LHX6: variants seen among roughly 807,000 people sequenced by gnomAD.
LHX6 encodes LIM homeobox 6, also known as LIM/homeobox protein Lhx6.
A neutral mutation model predicts 47.1 loss-of-function variants in LHX6; 15 were observed. That is an observed-to-expected ratio of 0.32 (90% CI 0.21 to 0.49). The LOEUF is 0.49. LHX6 is among the 20% of genes least tolerant of loss of function. The pLI is 0.99. For synonymous variants in LHX6, 242 were observed against 233.5 expected (o/e 1.04, Z -0.33); for missense variants, 404 against 539.6 (o/e 0.75, Z 2.49).
intron 9 of LHX6, among the ~76,000 whole-genome samples, chr9:122,208,559 C>A (rs745904481): frequency 6.6e-6 from 1 of 152,186 alleles, no homozygotes; most frequent in Non-Finnish European, 1.5e-5. Flanking sequence ...CGGCCGGGCA[C>A]GGTGGCTCAC....
Position 122,228,771 on chromosome 9 carries a change from G to T in LHX6, c.-31C>A. On this transcript the variant is annotated 5_prime_UTR_variant, in exon 1 of 10. Transcript: ENST00000394319. ...GGGGAACCTCGGGCTCAGCGGGCGC[G>T]CAGCGCGGAGAGCTGCGCCGAGGGG... 8.1e-7 allele frequency: 1 copy of T among 1,230,824 alleles called. No individual in the cohort carries two copies. Among genetic ancestry groups the T allele is most frequent in the Non-Finnish European group, 1.0e-6 (1 of 981,948 alleles). The allele number at this position is 1,230,824 out of a possible 1,614,324, so 76.2% of individuals were successfully genotyped here. A position where few individuals can be genotyped will look rare whatever the true frequency, so the allele number is the denominator to read the frequency against.
chr9:122,216,447 G>T (rs1416328920), intron 5 of LHX6, among the ~76,000 whole-genome samples: 1 of 152,218 alleles, frequency 6.6e-6, no homozygotes, highest in Non-Finnish European at 1.5e-5. Flanking sequence ...GTCTTGCACA[G>T]ATGTAGGGAC....
intron 4 of LHX6, among the ~76,000 whole-genome samples, chr9:122,224,222 T>C (rs1214893282): frequency 7.2e-5 from 11 of 152,142 alleles, no homozygotes. Context: ...GAGATGGGTT[T>C]CACCATGTTG....
rs1830505546 is a variant in LHX6 at position 122,214,182 on chromosome 9, C to T, written c.783+101G>A. The T allele has an allele frequency of 1.1e-5, 15 of 1,353,326 alleles. No homozygotes were observed. The South Asian group carries it at 1.4e-4, about 13-fold the overall frequency. 83.8% of individuals were successfully genotyped at this position (1,353,326 alleles called of 1,614,324 possible). A position where few individuals can be genotyped will look rare whatever the true frequency, so the allele number is the denominator to read the frequency against. ...CCCAGGCAGCTGCGGCCCCGCCCCG[C>T]CACCCGGGTCCGGCCCGAGGGGCGG... On this transcript the variant is annotated intron_variant, in intron 6 of 9. Coordinates refer to ENST00000394319, the MANE Select transcript of LHX6 (RefSeq NM_014368.5). This position sits in a 1 kb window ranked among gnomAD's most constrained non-coding sequence, Gnocchi z 4.6.
Position 122,204,745 on chromosome 9 carries a change from G to A in LHX6, c.*15C>T. Reference sequence around the variant, plus strand: ...TGTGGGGCGCCCACGGGCAGATGCGGAAGTGCCGGCAGCGTTAGTACTGAA... The same window carrying A: ...TGTGGGGCGCCCACGGGCAGATGCGAAAGTGCCGGCAGCGTTAGTACTGAA... On this transcript the variant is annotated 3_prime_UTR_variant, in exon 10 of 10. Coordinates refer to ENST00000394319, the MANE Select transcript of LHX6 (RefSeq NM_014368.5). The A allele has an allele frequency of 1.3e-6, 2 of 1,598,430 alleles. No homozygotes were observed. Among genetic ancestry groups the A allele is most frequent in the Non-Finnish European group, 1.7e-6 (2 of 1,172,492 alleles).
chr9:122,218,956 C>T (rs1230968047), intron 4 of LHX6, among the ~76,000 whole-genome samples: 2 of 152,188 alleles, frequency 1.3e-5, no homozygotes. Flanking sequence ...TCTGGCTCTT[C>T]TCTTCCACCC....
chr9:122,216,946 C>T, intron 5 of LHX6, 122 bp downstream of exon 5: 1 of 804,650 alleles, frequency 1.2e-6, no homozygotes, highest in Non-Finnish European at 2.0e-6. Context: ...CCTACGCTGC[C>T]TGCGGGACTA....
Position 122,217,377 on chromosome 9 carries a change from G to A in LHX6, c.462-89C>T. 1 of 1,096,930 alleles carries A rather than the reference G, an allele frequency of 9.1e-7. No individual in the cohort carries two copies. The highest frequency in any genetic ancestry group is 1.3e-6 in the Non-Finnish European group (1 of 764,222). The allele number at this position is 1,096,930 out of a possible 1,614,324, so 67.9% of individuals were successfully genotyped here. A position where few individuals can be genotyped will look rare whatever the true frequency, so the allele number is the denominator to read the frequency against. ...CCACCCAATGGCCCGCCAGCCCCCA[G>A]GCTCCTGGCCTCTAAGTCTTCAACT... On this transcript the variant is annotated intron_variant, in intron 4 of 9. Transcript: ENST00000394319. This position sits in a 1 kb window ranked among gnomAD's most constrained non-coding sequence, Gnocchi z 4.9.
chr9:122,214,419 A>G lies in LHX6; in HGVS notation c.683-36T>C. 1.3e-6 allele frequency: 2 copies of G among 1,519,764 alleles called. No individual in the cohort carries two copies. The highest frequency in any genetic ancestry group is 8.8e-7 in the Non-Finnish European group (1 of 1,138,868). 94.1% of individuals were successfully genotyped at this position (1,519,764 alleles called of 1,614,324 possible). A position where few individuals can be genotyped will look rare whatever the true frequency, so the allele number is the denominator to read the frequency against. ...TAGAAGCAGCTGACCACGCGTCCCC[A>G]TCTCTTCTAGTGGCAGCCTGGAAAG... is the stretch of plus-strand genomic sequence containing the variant. On this transcript the variant is annotated intron_variant, in intron 5 of 9. Transcript: ENST00000394319. The surrounding 1 kb of genome is among the most constrained non-coding windows in gnomAD (Gnocchi z 4.6).
In LHX6 at chr9:122,226,637, C is replaced by T. The variant is rs192028493; in HGVS notation, c.340-140G>A. ...ATTCCCCTATTTTTCTCCCGTAATACTGAGACTCAGGGAAATGGAAATAAA... is the reference window on the plus strand; with the variant it reads ...ATTCCCCTATTTTTCTCCCGTAATATTGAGACTCAGGGAAATGGAAATAAA... On this transcript the variant is annotated intron_variant, in intron 3 of 9. Coordinates refer to ENST00000394319, the MANE Select transcript of LHX6 (RefSeq NM_014368.5). The surrounding 1 kb of genome is among the most constrained non-coding windows in gnomAD (Gnocchi z 6.5). The T allele has an allele frequency of 2.3e-6, 3 of 1,330,552 alleles. No homozygotes were observed. In the East Asian group the frequency reaches 7.1e-5, roughly 31 times the overall value. 82.4% of individuals were successfully genotyped at this position (1,330,552 alleles called of 1,614,324 possible).
At position 122,228,217 on chromosome 9, in the gene LHX6, G is replaced by C. The variant is rs1020802250; in HGVS notation, c.84+440C>G. On this transcript the variant is annotated intron_variant, in intron 1 of 9. Coordinates refer to ENST00000394319, the MANE Select transcript of LHX6 (RefSeq NM_014368.5). Reference sequence around the variant, plus strand: ...GGGAAACCCGGAGCAAAAAGAGAGCGAGATCGGGGCGAAACGGGACCAAAA... The same window carrying C: ...GGGAAACCCGGAGCAAAAAGAGAGCCAGATCGGGGCGAAACGGGACCAAAA... 2.0e-6 allele frequency: 3 copies of C among 1,507,774 alleles called. No homozygotes were observed. In the East Asian group the frequency reaches 7.4e-5, roughly 37 times the overall value. The allele number at this position is 1,507,774 out of a possible 1,614,324, so 93.4% of individuals were successfully genotyped here. A position where few individuals can be genotyped will look rare whatever the true frequency, so the allele number is the denominator to read the frequency against.
Position 122,217,012 on chromosome 9 carries a change from GGGGT to G in LHX6, c.682+52_682+55del. On this transcript the variant is annotated intron_variant, in intron 5 of 9. Transcript: ENST00000394319. This position sits in a 1 kb window ranked among gnomAD's most constrained non-coding sequence, Gnocchi z 4.9. ...TGGGTGGTTCCTGGGGTGCTGGGGTGGGGTGGGGTGGGAAAGGGCTGGGGGCAGA... is the reference window on the plus strand; with the variant it reads ...TGGGTGGTTCCTGGGGTGCTGGGGTGGGGGTGGGAAAGGGCTGGGGGCAGA... 4 of 1,461,016 alleles carry G rather than the reference GGGGT, an allele frequency of 2.7e-6. No homozygotes were observed. Among genetic ancestry groups the G allele is most frequent in the Non-Finnish European group, 3.8e-6 (4 of 1,049,048 alleles). The allele number at this position is 1,461,016 out of a possible 1,614,324, so 90.5% of individuals were successfully genotyped here. A position where few individuals can be genotyped will look rare whatever the true frequency, so the allele number is the denominator to read the frequency against.
chr9:122,205,868 C>A (rs975034297), intron 9 of LHX6, among the ~76,000 whole-genome samples: 3 of 152,064 alleles, frequency 2.0e-5, no homozygotes, highest in African/African-American at 7.2e-5. Flanking sequence ...ATTGCATTCC[C>A]AGATCTCACA....
In LHX6 at chr9:122,226,546, C is replaced by G. The variant is rs1831109388; in HGVS notation, c.340-49G>C. 2 of 1,586,336 alleles carry G rather than the reference C, an allele frequency of 1.3e-6. No individual in the cohort carries two copies. The highest frequency in any genetic ancestry group is 1.7e-6 in the Non-Finnish European group (2 of 1,171,130). The stretch of plus-strand genomic sequence containing the variant: ...GTCGGCTCAGCGCGGGCCTCTTTCA[C>G]TCCGGGCCCCAGCCTTCCCGGTCTC... On this transcript the variant is annotated intron_variant, in intron 3 of 9. Transcript: ENST00000394319. The surrounding 1 kb of genome is among the most constrained non-coding windows in gnomAD (Gnocchi z 6.5).
At chr9:122,209,050 C>A (rs1310661068) in intron 9 of LHX6, among the ~76,000 whole-genome samples, 2 of 152,130 alleles carry the variant, frequency 1.3e-5, no homozygotes, top group African/African-American at 4.8e-5. Flanking sequence ...GCACTATGGA[C>A]AAGTTTAAAC....
intron 8 of LHX6, among the ~76,000 whole-genome samples, chr9:122,210,468 C>T (rs1830360002): frequency 1.3e-5 from 2 of 152,132 alleles, no homozygotes; most frequent in African/African-American, 4.8e-5. Context: ...TCGTATGTCA[C>T]CTCTCTCTTT....
rs753262130 is a variant in LHX6 at position 122,227,441 on chromosome 9, G to C, written c.124C>G (p.Arg42Gly). 6.5e-7 allele frequency: 1 copy of C among 1,533,460 alleles called. No homozygotes were observed. Among genetic ancestry groups the C allele is most frequent in the South Asian group, 1.2e-5 (1 of 83,810 alleles). 95.0% of individuals were successfully genotyped at this position (1,533,460 alleles called of 1,614,324 possible). A position where few individuals can be genotyped will look rare whatever the true frequency, so the allele number is the denominator to read the frequency against. Reference sequence around the variant, plus strand: ...GGCGGCGCGGTCCCTTCAAGACAGCGGGTGGTCGCTTTGCAGCCGGACCCT... The same window carrying C: ...GGCGGCGCGGTCCCTTCAAGACAGCCGGTGGTCGCTTTGCAGCCGGACCCT... ...QPGSGCKATT[R>G]CLEGTAPPAM... Residue 42 changes from arginine (R) to glycine (G), a missense_variant, in exon 2 of 10, where the codon CGC becomes GGC. By Grantham distance (125) the Arg-to-Gly change is moderately radical. Around this residue, in one of 7 missense-constraint regions of LHX6, gnomAD observed 144 missense variants for 128.7 expected, o/e 1.12. Transcript: ENST00000394319.
At position 122,217,240 on chromosome 9, in the gene LHX6, G is replaced by A. The variant is rs1830627460; in HGVS notation, c.510C>T (p.Ser170=). 2 of 1,613,978 alleles carry A rather than the reference G, an allele frequency of 1.2e-6. No homozygotes were observed. The highest frequency in any genetic ancestry group is 2.2e-5 in the South Asian group (2 of 91,076). Residue 170 remains serine, a synonymous_variant, in exon 5 of 10, where the codon AGC becomes AGT. Coordinates refer to ENST00000394319, the MANE Select transcript of LHX6 (RefSeq NM_014368.5). The surrounding 1 kb of genome is among the most constrained non-coding windows in gnomAD (Gnocchi z 4.9). ...CARCGRQIYA[S]DWVRRARGNA... ...TGCCGCGAGCTCTCCGCACCCAGTC[G>A]CTGGCGTAGATCTGTCGGCCGCACC...
At chr9:122,205,575 G>C (rs1258139447) in intron 9 of LHX6, among the ~76,000 whole-genome samples, 1 of 152,140 alleles carries the variant, frequency 6.6e-6, no homozygotes, top group Non-Finnish European at 1.5e-5. Flanking sequence ...AAGTGTGAGG[G>C]GCATCTGGTG....
Sources: allele counts gnomAD v4.1 joint callset (sites outside exome capture counted in the v4.1 genomes callset), GRCh38; gene constraint gnomAD v4.1.1; regional missense constraint gnomAD v4.1.1; non-coding constraint Gnocchi (gnomAD v3.1); transcripts MANE v1.5; gene names NCBI Gene and HGNC (gene_info 2026-07-23, HGNC 2026-07-21).